Variants in GLI3 observed in about 807,000 individuals in gnomAD.
GLI3 encodes transcription activator GLI3.
In GLI3, 20 loss-of-function variants were observed where a neutral mutation model predicts 100.8. That is an observed-to-expected ratio of 0.20 (90% CI 0.14 to 0.29). GLI3 has a LOEUF of 0.29. Among genes scored for constraint, GLI3 ranks in the 10% least tolerant of loss-of-function variants. GLI3 has a pLI of 1.00. For missense variants in GLI3, 2,040 were observed against 2,128.5 expected (o/e 0.96, Z 0.82); for synonymous variants, 938 against 860.5 (o/e 1.09, Z -1.58).
chr7:42,084,818 C>T (rs1459351776), intron 3 of GLI3, among the ~76,000 whole-genome samples: 2 of 143,072 alleles, frequency 1.4e-5, no homozygotes. Flanking sequence ...TTACCAGTGA[C>T]AAATTTTTAA....
chr7:42,050,510 G>A (rs1784332587), intron 4 of GLI3, among the ~76,000 whole-genome samples: 1 of 152,174 alleles, frequency 6.6e-6, no homozygotes, highest in South Asian at 2.1e-4. Context: ...ATTTAGATGT[G>A]TTTGCTACCT....
At chr7:42,071,897 T>A (rs995624648) in intron 4 of GLI3, among the ~76,000 whole-genome samples, 22 of 151,892 alleles carry the variant, frequency 1.4e-4, no homozygotes, top group African/African-American at 5.3e-4. Flanking sequence ...CCACTTTTAG[T>A]GGGAAGAACA....
At chr7:42,075,752 A>C (rs1784866629) in intron 4 of GLI3, among the ~76,000 whole-genome samples, 1 of 152,194 alleles carries the variant, frequency 6.6e-6, no homozygotes. Flanking sequence ...GATCCAAAAA[A>C]CTGTTGGTAA....
chr7:42,109,655 T>C (rs1230491400), intron 3 of GLI3, among the ~76,000 whole-genome samples: 1 of 152,210 alleles, frequency 6.6e-6, no homozygotes, highest in African/African-American at 2.4e-5. Flanking sequence ...AAAACCTTGT[T>C]TTCCCGGAAC....
At chr7:42,145,437 C>T (rs1273528459) in intron 3 of GLI3, 2 of 397,330 alleles carry the variant, frequency 5.0e-6, no homozygotes, top group Non-Finnish European at 8.9e-6. Context: ...TCTTCACTTA[C>T]AAAACAGAAA....
intron 10 of GLI3, among the ~76,000 whole-genome samples, chr7:42,020,278 T>C (rs1345998931): frequency 2.0e-5 from 3 of 152,230 alleles, no homozygotes; most frequent in Non-Finnish European, 2.9e-5. Context: ...GTGAAACACA[T>C]GTCTCAAGTT....
At chr7:42,061,861 G>C (rs1235288771) in intron 4 of GLI3, among the ~76,000 whole-genome samples, 1 of 152,158 alleles carries the variant, frequency 6.6e-6, no homozygotes, top group Non-Finnish European at 1.5e-5. Context: ...TAGGGGTCTT[G>C]TTATCATGGC....
chr7:42,099,116 T>C (rs1453442502), intron 3 of GLI3, among the ~76,000 whole-genome samples: 1 of 152,198 alleles, frequency 6.6e-6, no homozygotes, highest in Non-Finnish European at 1.5e-5. Context: ...AGGGACTTCA[T>C]GCTCCGCCCT....
chr7:42,083,002 T>A (rs539061641), intron 3 of GLI3, among the ~76,000 whole-genome samples: 6 of 152,310 alleles, frequency 3.9e-5, no homozygotes, highest in African/African-American at 1.4e-4. Context: ...TCAGGGCAAA[T>A]GGGGTATCCA....
chr7:42,239,972 T>C (rs1788907397), upstream of GLI3, among the ~76,000 whole-genome samples: 1 of 152,206 alleles, frequency 6.6e-6, no homozygotes, highest in Non-Finnish European at 1.5e-5. Context: ...TCCCAAAATA[T>C]AGAAGAGTTA....
chr7:42,207,373 A>T (rs1462025628), intron 2 of GLI3, among the ~76,000 whole-genome samples: 2 of 152,228 alleles, frequency 1.3e-5, no homozygotes, highest in Non-Finnish European at 2.9e-5. Context: ...ATGCTATGTG[A>T]CTTTTTAATC....
intron 3 of GLI3, among the ~76,000 whole-genome samples, chr7:42,118,888 T>G (rs1785925740): frequency 6.6e-6 from 1 of 152,198 alleles, no homozygotes; most frequent in Non-Finnish European, 1.5e-5. Flanking sequence ...AACGAACTCT[T>G]TCAAACTCTT....
At chr7:42,235,548 G>A (rs1432886295) in intron 1 of GLI3, among the ~76,000 whole-genome samples, 1 of 152,102 alleles carries the variant, frequency 6.6e-6, no homozygotes, top group African/African-American at 2.4e-5. Context: ...TCCAAATTCT[G>A]TACAAAAATC....
intron 3 of GLI3, among the ~76,000 whole-genome samples, chr7:42,132,439 A>C (rs1001823449): frequency 6.6e-6 from 1 of 152,238 alleles, no homozygotes; most frequent in African/African-American, 2.4e-5. Flanking sequence ...GTTAACTTGT[A>C]CATGATAATT....
At chr7:42,066,215 T>C (rs1784671702) in intron 4 of GLI3, among the ~76,000 whole-genome samples, 1 of 152,140 alleles carries the variant, frequency 6.6e-6, no homozygotes, top group Admixed American at 6.5e-5. Flanking sequence ...ACACTGAGAC[T>C]TCAGTGGGTG....
At chr7:42,189,469 T>C (rs1248924850) in intron 2 of GLI3, among the ~76,000 whole-genome samples, 2 of 152,228 alleles carry the variant, frequency 1.3e-5, no homozygotes, top group Non-Finnish European at 2.9e-5. Context: ...CATACCCTTA[T>C]AAAAGCAAGG....
chr7:42,119,263 G>A (rs1785935696), intron 3 of GLI3, among the ~76,000 whole-genome samples: 1 of 152,198 alleles, frequency 6.6e-6, no homozygotes, highest in Admixed American at 6.5e-5. Context: ...AACATGTGAG[G>A]AAAGCAATTT....
intron 3 of GLI3, among the ~76,000 whole-genome samples, chr7:42,108,931 C>G (rs36008132): frequency 0.16 from 24,539 of 151,968 alleles, 2,476 homozygotes; most frequent in South Asian, 0.24. Context: ...CCTGAAACAC[C>G]CTCCCACCCC....
chr7:41,965,333 T>C lies in GLI3; in HGVS notation c.3740A>G (p.Gln1247Arg), dbSNP rs774937321. The change falls in exon 15 of 15, where the codon CAG becomes CGG. Residue 1247 changes from glutamine to arginine, a missense_variant. Coordinates refer to ENST00000395925, the MANE Select transcript of GLI3 (RefSeq NM_000168.6). ...CCCATACTGCGGGGCCTTACAGGGC[T>C]GTTCATGGAAGGCGTTTCCACTGGT... is the stretch of plus-strand genomic sequence containing the variant. ...SGTSGNAFHE[Q>R]PCKAPQYGNC... is the part of the protein sequence containing the mutation. The C allele has an allele frequency of 1.9e-6, 3 of 1,613,892 alleles. No homozygotes were observed. The highest frequency in any genetic ancestry group is 2.5e-6 in the Non-Finnish European group (3 of 1,179,880).
Sources: gnomAD v4.1 joint callset for allele counts (sites outside exome capture counted in the v4.1 genomes callset) on GRCh38, gnomAD v4.1.1 for gene constraint, MANE v1.5 for transcripts, NCBI Gene and HGNC (gene_info 2026-07-23, HGNC 2026-07-21) for gene names.